Variants in RYR2 observed in about 807,000 individuals in gnomAD.
RYR2 encodes the protein cardiac muscle ryanodine receptor-calcium release channel.
Under a neutral mutation model 601.1 loss-of-function variants are expected in RYR2, and 227 were observed. That is an observed-to-expected ratio of 0.38 (90% CI 0.34 to 0.42). The LOEUF (loss-of-function observed/expected upper bound fraction) is 0.42, where lower values mean the gene tolerates loss of function less well. RYR2 is among the 10% of genes least tolerant of loss of function. RYR2 has a pLI of 1.00. For missense variants in RYR2, 4,646 were observed against 6,156.5 expected, an observed-to-expected ratio of 0.75 and a Z score of 8.21; for synonymous variants, 2,223 against 2,175.1, an observed-to-expected ratio of 1.02 and a Z score of -0.61.
At chr1:237,616,389 C>T (rs946647347) in intron 37 of RYR2, among the ~76,000 whole-genome samples, 1 of 152,164 alleles carries the variant, frequency 6.6e-6, no homozygotes, top group Non-Finnish European at 1.5e-5. Context: ...CAGCTAATCA[C>T]TGAATGAATG....
chr1:237,782,990 A>T (rs16835804), intron 89 of RYR2, among the ~76,000 whole-genome samples: 10,586 of 152,032 alleles, frequency 0.07, 574 homozygotes, highest in African/African-American at 0.15. Context: ...TGTCTTTATG[A>T]TATATAGCAC....
intron 21 of RYR2, 138 bp downstream of exon 21, chr1:237,501,041 G>A (rs1218814286): frequency 1.1e-5 from 9 of 800,352 alleles, no homozygotes; most frequent in Non-Finnish European, 1.8e-5. Context: ...CATTTTGCCT[G>A]TGCCTTGAAG....
chr1:237,824,348 C>T (rs1662859778), intron 101 of RYR2, among the ~76,000 whole-genome samples: 2 of 152,146 alleles, frequency 1.3e-5, no homozygotes, highest in South Asian at 4.1e-4. Context: ...TAGGCTTCAT[C>T]CCTGGGATGC....
chr1:237,706,049 G>T (rs1408421991), intron 67 of RYR2, among the ~76,000 whole-genome samples: 1 of 152,042 alleles, frequency 6.6e-6, no homozygotes, highest in African/African-American at 2.4e-5. Flanking sequence ...AGGAGTTCAA[G>T]ACCAGCCTGA....
chr1:237,795,406 G>A, intron 96 of RYR2, 75 bp downstream of exon 96: 2 of 744,222 alleles, frequency 2.7e-6, no homozygotes, highest in South Asian at 3.6e-5. Context: ...TTCAGATGTA[G>A]AATAAGATAT....
intron 33 of RYR2, 26 bp downstream of exon 33, chr1:237,593,662 G>C: frequency 2.5e-6 from 4 of 1,611,994 alleles, no homozygotes; most frequent in Non-Finnish European, 3.4e-6. Context: ...TTTTTTGCAA[G>C]AATGACATGT....
At chr1:237,402,843 GAAATC>G in intron 10 of RYR2, among the ~76,000 whole-genome samples, 1 of 11,174 alleles carries the variant, frequency 8.9e-5, no homozygotes, top group Non-Finnish European at 2.7e-4. Context: ...GTACAGCGGT[GAAATC>G]ATGGCTCACT....
At chr1:237,578,578 A>G (rs76047569) in intron 29 of RYR2, among the ~76,000 whole-genome samples, 3,225 of 152,342 alleles carry the variant, frequency 0.021, 59 homozygotes, top group Middle Eastern at 0.068. Context: ...ATTTCTTTCA[A>G]AAGATTTCTG....
chr1:237,652,468 AT>A (rs534479632), intron 51 of RYR2, among the ~76,000 whole-genome samples: 14 of 152,034 alleles, frequency 9.2e-5, no homozygotes, highest in Non-Finnish European at 1.8e-4. Context: ...TAGTAGCATT[AT>A]TTTTTCCCCA....
intron 2 of RYR2, among the ~76,000 whole-genome samples, chr1:237,303,266 T>C (rs1693538055): frequency 6.6e-6 from 1 of 151,478 alleles, no homozygotes; most frequent in African/African-American, 2.4e-5. Context: ...TTATATCTAT[T>C]CATATGAAGA....
chr1:237,814,204 T>G (rs1178574411), intron 100 of RYR2, among the ~76,000 whole-genome samples: 1 of 152,212 alleles, frequency 6.6e-6, no homozygotes, highest in Non-Finnish European at 1.5e-5. Flanking sequence ...GTAGTGCGCT[T>G]TCAAAGTACA....
At chr1:237,662,733 AT>A (rs1009011134) in intron 56 of RYR2, among the ~76,000 whole-genome samples, 3 of 152,126 alleles carry the variant, frequency 2.0e-5, no homozygotes, top group African/African-American at 7.2e-5. Context: ...TGTCTTAGTG[AT>A]TTTCACGGTG....
intron 12 of RYR2, among the ~76,000 whole-genome samples, chr1:237,429,275 C>T (rs956533896): frequency 1.3e-5 from 2 of 152,162 alleles, no homozygotes; most frequent in South Asian, 2.1e-4. Flanking sequence ...GGAAAACCAA[C>T]GCAGGGAGGA....
chr1:237,382,379 T>C (rs1426840951), intron 8 of RYR2, among the ~76,000 whole-genome samples: 1 of 152,206 alleles, frequency 6.6e-6, no homozygotes, highest in East Asian at 1.9e-4. Context: ...TATTTTTTAT[T>C]GTTATTTTTT....
chr1:237,127,735 A>G (rs1347918925), intron 1 of RYR2, among the ~76,000 whole-genome samples: 1 of 143,522 alleles, frequency 7.0e-6, no homozygotes, highest in Non-Finnish European at 1.5e-5. Flanking sequence ...GGTGCTCCTC[A>G]CATCCCAGAC....
chr1:237,264,370 G>A (rs1490345573), intron 1 of RYR2, among the ~76,000 whole-genome samples: 1 of 152,080 alleles, frequency 6.6e-6, no homozygotes, highest in East Asian at 1.9e-4. Flanking sequence ...GCTAACTAAG[G>A]CTTGTATATA....
At position 237,819,875 on chromosome 1, in the gene RYR2, G is replaced by A. The variant is rs1662254684; in HGVS notation, c.14590+683G>A. ...AACAACAAAAACTTCTAAGCCCTGTGGTTGTTGAGATTTTTAAAAATGACA... is the reference window on the plus strand; with the variant it reads ...AACAACAAAAACTTCTAAGCCCTGTAGTTGTTGAGATTTTTAAAAATGACA... On this transcript the variant is annotated intron_variant, in intron 101 of 104. Transcript: ENST00000366574. The surrounding 1 kb of genome is among the most constrained non-coding windows in gnomAD (Gnocchi z 4.0). 6.6e-6 allele frequency among the ~76,000 whole-genome samples: 1 copy of A among 151,862 alleles called. No homozygotes were observed. Among genetic ancestry groups the A allele is most frequent in the Admixed American group, 6.6e-5 (1 of 15,236 alleles).
chr1:237,473,477 C>CTTCTTTCTTTCTTTCTTTCTT (rs1553464755), intron 17 of RYR2, among the ~76,000 whole-genome samples: 1 of 145,564 alleles, frequency 6.9e-6, no homozygotes, highest in Non-Finnish European at 1.5e-5. Flanking sequence ...ATCTATCTAT[C>CTTCTTTCTTTCTTTCTTTCTT]TGGCATATAT....
At chr1:237,381,238 C>A (rs559541057) in intron 8 of RYR2, among the ~76,000 whole-genome samples, 3 of 113,652 alleles carry the variant, frequency 2.6e-5, no homozygotes, top group African/African-American at 6.9e-5. Flanking sequence ...GGTGACAGAA[C>A]GAGACTCCGT....
Sources: gnomAD v4.1 joint callset for allele counts (sites outside exome capture counted in the v4.1 genomes callset) on GRCh38, gnomAD v4.1.1 for gene constraint, Gnocchi (gnomAD v3.1) non-coding constraint, MANE v1.5 for transcripts, NCBI Gene and HGNC (gene_info 2026-07-23, HGNC 2026-07-21) for gene names.